TAFA5: variants seen among roughly 807,000 people sequenced by gnomAD.
TAFA5 encodes chemokine-like protein TAFA-5.
TAFA5 carries 6 observed loss-of-function variants against 15.3 expected under a neutral mutation model. The observed-to-expected ratio is 0.39, with a 90% CI of 0.21 to 0.77. TAFA5 has a LOEUF of 0.77. Among genes scored for constraint, TAFA5 ranks in the 30% least tolerant of loss-of-function variants. TAFA5 has a pLI of 0.41. For synonymous variants in TAFA5, 103 were observed against 80.7 expected (o/e 1.28, Z -1.48); for missense variants, 161 against 193.1 (o/e 0.83, Z 0.98).
chr22:48,695,812 C>A (rs993385423), intron 2 of TAFA5, among the ~76,000 whole-genome samples: 1 of 152,166 alleles, frequency 6.6e-6, no homozygotes, highest in Non-Finnish European at 1.5e-5. Context: ...TAGGCGGGCC[C>A]TCTGGCGTCA....
At chr22:48,547,061 T>C (rs1469214789) in intron 1 of TAFA5, 1 of 153,104 alleles carries the variant, frequency 6.5e-6, no homozygotes, top group Non-Finnish European at 1.5e-5. Flanking sequence ...GAAAAATGTG[T>C]TTCCCCCCAG....
At chr22:48,677,933 C>A (rs961656276) in intron 2 of TAFA5, among the ~76,000 whole-genome samples, 2 of 152,012 alleles carry the variant, frequency 1.3e-5, no homozygotes, top group Non-Finnish European at 2.9e-5. Flanking sequence ...GCATCCTCAC[C>A]CCCAGACCTT....
At chr22:48,731,400 G>A (rs1474572051) in intron 3 of TAFA5, among the ~76,000 whole-genome samples, 1 of 152,240 alleles carries the variant, frequency 6.6e-6, no homozygotes, top group Non-Finnish European at 1.5e-5. Context: ...GATTTTCAAT[G>A]TAGATGAAAG....
At chr22:48,525,465 G>A (rs1358215133) in intron 1 of TAFA5, among the ~76,000 whole-genome samples, 1 of 152,164 alleles carries the variant, frequency 6.6e-6, no homozygotes, top group Non-Finnish European at 1.5e-5. Context: ...TCCGCCTTCT[G>A]GACTCTGCTT....
chr22:48,540,239 C>T (rs1163786208), intron 1 of TAFA5, among the ~76,000 whole-genome samples: 4 of 151,976 alleles, frequency 2.6e-5, no homozygotes, highest in Non-Finnish European at 4.4e-5. Flanking sequence ...ACTGCAGCAC[C>T]GGTGCAGGTG....
chr22:48,593,669 G>A (rs1250997553), intron 1 of TAFA5, among the ~76,000 whole-genome samples: 1 of 152,172 alleles, frequency 6.6e-6, no homozygotes. Context: ...TTCTCACCGC[G>A]CGCTCGGGTG....
chr22:48,732,941 CA>C (rs1028823135), intron 3 of TAFA5, among the ~76,000 whole-genome samples: 2 of 152,180 alleles, frequency 1.3e-5, no homozygotes, highest in Non-Finnish European at 2.9e-5. Context: ...GCATTTTTAG[CA>C]CTAACTTATT....
intron 1 of TAFA5, among the ~76,000 whole-genome samples, chr22:48,631,527 G>C (rs738687): frequency 0.34 from 51,498 of 152,190 alleles, 8,795 homozygotes; most frequent in Non-Finnish European, 0.36. Context: ...GTGTCCCCAG[G>C]TCTCCAGCTG....
chr22:48,618,053 G>T (rs576736959), intron 1 of TAFA5, among the ~76,000 whole-genome samples: 1 of 152,228 alleles, frequency 6.6e-6, no homozygotes, highest in Admixed American at 6.5e-5. Context: ...TAAGTGTGGC[G>T]CCAGGCTCTG....
At chr22:48,507,808 A>G (rs944646326) in intron 1 of TAFA5, among the ~76,000 whole-genome samples, 2 of 152,066 alleles carry the variant, frequency 1.3e-5, no homozygotes, top group African/African-American at 2.4e-5. Flanking sequence ...GTCGGGATGG[A>G]CAGCGCCCCC....
At chr22:48,670,232 C>T (rs1927759547) in intron 2 of TAFA5, among the ~76,000 whole-genome samples, 1 of 152,250 alleles carries the variant, frequency 6.6e-6, no homozygotes, top group Admixed American at 6.5e-5. Context: ...AGTCAGCCCT[C>T]CTTAATGGTG....
intron 1 of TAFA5, among the ~76,000 whole-genome samples, chr22:48,568,278 C>A (rs1923472963): frequency 6.6e-6 from 1 of 152,240 alleles, no homozygotes; most frequent in South Asian, 2.1e-4. Context: ...GGTGGCCTTT[C>A]CTCTTCTGGT....
At chr22:48,576,273 C>G (rs1341428439) in intron 1 of TAFA5, 6 of 824,828 alleles carry the variant, frequency 7.3e-6, no homozygotes, top group African/African-American at 3.6e-5. Context: ...CGGCGCCCCC[C>G]TCCCCCCGCC....
At chr22:48,701,791 C>G (rs947814414) in intron 2 of TAFA5, among the ~76,000 whole-genome samples, 1 of 152,226 alleles carries the variant, frequency 6.6e-6, no homozygotes, top group East Asian at 1.9e-4. Flanking sequence ...CTCCTGCCCT[C>G]CCCTGGCTGC....
At chr22:48,516,220 G>A (rs570595586) in intron 1 of TAFA5, among the ~76,000 whole-genome samples, 15 of 152,302 alleles carry the variant, frequency 9.8e-5, no homozygotes, top group African/African-American at 2.9e-4. Context: ...ACATTTTTAC[G>A]TTTAAGTTGA....
intron 1 of TAFA5, among the ~76,000 whole-genome samples, chr22:48,584,330 C>G (rs1044543526): frequency 2.7e-5 from 4 of 148,498 alleles, no homozygotes; most frequent in Non-Finnish European, 4.5e-5. Context: ...ATACACCACA[C>G]AGATATCACA....
At chr22:48,661,143 A>G (rs1927425129) in intron 2 of TAFA5, among the ~76,000 whole-genome samples, 1 of 151,944 alleles carries the variant, frequency 6.6e-6, no homozygotes, top group African/African-American at 2.4e-5. Context: ...AATCGTCTGG[A>G]CCCCTGTGTA....
chr22:48,497,232 C>T (rs571362155), intron 1 of TAFA5, among the ~76,000 whole-genome samples: 1 of 152,344 alleles, frequency 6.6e-6, no homozygotes, highest in African/African-American at 2.4e-5. Flanking sequence ...CCCGTATGGG[C>T]GGACCTTGCC....
chr22:48,576,623 G>C (rs2147142267), intron 1 of TAFA5: 2 of 1,315,564 alleles, frequency 1.5e-6, no homozygotes, highest in South Asian at 4.3e-5. Context: ...CCCGGCTCGC[G>C]GCGGCTCCGG....
Sources: gnomAD v4.1 joint callset for allele counts (sites outside exome capture counted in the v4.1 genomes callset) on GRCh38, gnomAD v4.1.1 for gene constraint, MANE v1.5 for transcripts, NCBI Gene and HGNC (gene_info 2026-07-23, HGNC 2026-07-21) for gene names.